Variants in DYSF observed in about 807,000 individuals in gnomAD.
DYSF encodes the protein dysferlin.
In DYSF, 212 loss-of-function variants were observed where a neutral mutation model predicts 274.9. The observed-to-expected ratio is 0.77, with a 90% CI of 0.69 to 0.86. DYSF has a LOEUF of 0.86. DYSF is among the 40% of genes least tolerant of loss of function. The pLI is 0.00. For synonymous variants in DYSF, 1,091 were observed against 1,078.7 expected (o/e 1.01, Z -0.22); for missense variants, 2,666 against 2,783.2 (o/e 0.96, Z 0.95).
intron 41 of DYSF, among the ~76,000 whole-genome samples, chr2:71,630,811 G>A (rs2094300621): frequency 6.6e-6 from 1 of 152,188 alleles, no homozygotes; most frequent in African/African-American, 2.4e-5. Flanking sequence ...GTGCTGGTGT[G>A]GACACCTGTC....
chr2:71,582,401 A>G (rs2092927306), intron 30 of DYSF, among the ~76,000 whole-genome samples: 1 of 152,192 alleles, frequency 6.6e-6, no homozygotes, highest in Non-Finnish European at 1.5e-5. Flanking sequence ...CAGCACTCCC[A>G]TTCCATTTTA....
At chr2:71,490,619 G>T (rs547880073) in intron 3 of DYSF, among the ~76,000 whole-genome samples, 6 of 152,194 alleles carry the variant, frequency 3.9e-5, no homozygotes, top group African/African-American at 1.2e-4. Flanking sequence ...GAGCCACTGC[G>T]CCCGGCCTGG....
chr2:71,468,740 C>G (rs922261179), intron 1 of DYSF, among the ~76,000 whole-genome samples: 20 of 152,218 alleles, frequency 1.3e-4, no homozygotes, highest in Non-Finnish European at 2.1e-4. Flanking sequence ...TCAAGAGTCT[C>G]TCCTCTCTGG....
At chr2:71,663,724 C>T (rs2094943377) in intron 45 of DYSF, among the ~76,000 whole-genome samples, 4 of 152,230 alleles carry the variant, frequency 2.6e-5, no homozygotes, top group South Asian at 2.1e-4. Context: ...CACAAATTCT[C>T]CCTCCATCCC....
At chr2:71,511,042 A>T (rs7589868) in intron 4 of DYSF, among the ~76,000 whole-genome samples, 1 of 152,124 alleles carries the variant, frequency 6.6e-6, no homozygotes, top group Admixed American at 6.5e-5. Context: ...TGGAGCCGGG[A>T]CAGGGCTCAG....
chr2:71,496,343 G>A (rs1338878804), intron 3 of DYSF, among the ~76,000 whole-genome samples: 1 of 152,076 alleles, frequency 6.6e-6, no homozygotes, highest in Non-Finnish European at 1.5e-5. Flanking sequence ...GGCCACACAG[G>A]GAAGTGCTGG....
chr2:71,579,251 C>G (rs760908144), intron 30 of DYSF, among the ~76,000 whole-genome samples: 4 of 152,110 alleles, frequency 2.6e-5, no homozygotes, highest in African/African-American at 9.7e-5. Flanking sequence ...CCTCCATGAT[C>G]GAGGATTTTT....
rs1420619668 is a variant in DYSF, at chr2:71,454,055, CAGCGATGCCT to C, written c.59_68del (p.Ser20ThrfsTer9). On this transcript the variant is annotated frameshift_variant, in exon 1 of 55. Coordinates refer to the DYSF transcript ENST00000258104. LOFTEE classifies it high-confidence loss of function. ...ACGTCCACACACCCGACACCGACAT[CAGCGATGCCT>C]ACTGCTCCGCGGTGTTTGCAGGTAG... The C allele has an allele frequency of 6.2e-7, 1 of 1,614,064 alleles. No individual in the cohort carries two copies. The highest frequency in any genetic ancestry group is 1.7e-5 in the Admixed American group (1 of 60,006).
chr2:71,589,074 C>A (rs1192227551), intron 30 of DYSF, among the ~76,000 whole-genome samples: 1 of 152,224 alleles, frequency 6.6e-6, no homozygotes, highest in Non-Finnish European at 1.5e-5. Context: ...GTCCCCACCT[C>A]TGTCCTCAGC....
At chr2:71,563,681 G>A (rs1429507291) in intron 23 of DYSF, among the ~76,000 whole-genome samples, 1 of 152,100 alleles carries the variant, frequency 6.6e-6, no homozygotes, top group Admixed American at 6.5e-5. Context: ...TTACCTCCCT[G>A]GTCAAATCTA....
intron 24 of DYSF, among the ~76,000 whole-genome samples, chr2:71,566,373 A>C (rs1340093812): frequency 6.6e-6 from 1 of 151,638 alleles, no homozygotes; most frequent in Non-Finnish European, 1.5e-5. Flanking sequence ...AAAAAAAAAA[A>C]AAAAGATATA....
intron 45 of DYSF, among the ~76,000 whole-genome samples, chr2:71,662,291 A>C (rs1048601443): frequency 1.3e-5 from 2 of 152,182 alleles, no homozygotes; most frequent in Non-Finnish European, 2.9e-5. Context: ...TTTTCTGCTC[A>C]CATTGAGCTC....
At chr2:71,662,929 T>C (rs1324563332) in intron 45 of DYSF, among the ~76,000 whole-genome samples, 2 of 39,172 alleles carry the variant, frequency 5.1e-5, no homozygotes, top group Non-Finnish European at 1.5e-4. Context: ...TGTGTGCACG[T>C]ATGTGCATGT....
At chr2:71,590,110 C>CTG in intron 31 of DYSF, 101 bp from the exon 32 acceptor site, 1 of 1,177,626 alleles carries the variant, frequency 8.5e-7, no homozygotes, top group Non-Finnish European at 1.3e-6. Flanking sequence ...GCCCCTCTGT[C>CTG]TGCTGCCCTT....
intron 46 of DYSF, among the ~76,000 whole-genome samples, chr2:71,664,648 A>G (rs760468721): frequency 6.6e-6 from 1 of 152,188 alleles, no homozygotes; most frequent in Non-Finnish European, 1.5e-5. Flanking sequence ...TAAGTGGTGG[A>G]ATTAGGATTT....
chr2:71,668,652 G>C, intron 48 of DYSF, 102 bp from the exon 49 acceptor site: 2 of 1,136,256 alleles, frequency 1.8e-6, no homozygotes, highest in Non-Finnish European at 2.6e-6. Flanking sequence ...GAAGGGCCTG[G>C]GTTTCTCTGT....
chr2:71,481,961 G>T lies in DYSF; in HGVS notation c.230G>T (p.Gly77Val). The change falls in exon 3 of 56, where the codon GGG (glycine) becomes GTG (valine). Residue 77 changes from glycine to valine, a missense_variant. By Grantham distance (109) the Gly-to-Val change is moderately radical. Transcript: ENST00000410020. ...HVVVKDHETM[G>V]RNRFLGEAKV... is the part of the protein sequence containing the mutation. ...GTGGTCAAAGACCATGAGACGATGG[G>T]GAGGAACAGGTAAGGTGGCCAGAGG... The T allele has an allele frequency of 3.7e-6, 6 of 1,614,048 alleles. No homozygotes were observed. Among genetic ancestry groups the T allele is most frequent in the Non-Finnish European group, 5.1e-6 (6 of 1,179,972 alleles).
intron 3 of DYSF, 137 bp downstream of exon 3, chr2:71,482,107 C>A: frequency 1.4e-6 from 1 of 696,852 alleles, no homozygotes; most frequent in Non-Finnish European, 2.5e-6. Flanking sequence ...TGGGACTGGC[C>A]CAGTGATAGA....
intron 42 of DYSF, among the ~76,000 whole-genome samples, chr2:71,645,788 G>A (rs2094558836): frequency 6.6e-6 from 1 of 152,012 alleles, no homozygotes; most frequent in East Asian, 1.9e-4. Context: ...ACTAAATCTG[G>A]CAACACTACT....
Sources: gnomAD v4.1 joint callset for allele counts (sites outside exome capture counted in the v4.1 genomes callset) on GRCh38, gnomAD v4.1.1 for gene constraint, MANE v1.5 for transcripts, NCBI Gene and HGNC (gene_info 2026-07-23, HGNC 2026-07-21) for gene names.